Variants in NUDCD1 observed in about 807,000 individuals in gnomAD.
NUDCD1 encodes the protein nudC domain-containing protein 1.
In NUDCD1, 60 loss-of-function variants were observed where a neutral mutation model predicts 67.8. The ratio of observed to expected loss-of-function variants is 0.88; its 90% CI spans 0.72 to 1.10. NUDCD1 has a LOEUF of 1.10. Ranked by LOEUF, NUDCD1 falls within the 50% of genes least tolerant of loss-of-function variation. The pLI is 0.00. For synonymous variants in NUDCD1, 244 were observed against 230.8 expected, an observed-to-expected ratio of 1.06 and a Z score of -0.52; for missense variants, 643 against 695.0, an observed-to-expected ratio of 0.93 and a Z score of 0.84.
At chr8:109,307,579 T>TA (rs1294540106) in intron 2 of NUDCD1, among the ~76,000 whole-genome samples, 9 of 152,066 alleles carry the variant, frequency 5.9e-5, no homozygotes, top group Non-Finnish European at 1.5e-5. Context: ...AAAATACAAT[T>TA]AAAAAAACAT....
chr8:109,267,410 T>C (rs1005869271), intron 8 of NUDCD1, among the ~76,000 whole-genome samples: 4 of 152,274 alleles, frequency 2.6e-5, no homozygotes, highest in African/African-American at 7.2e-5. Context: ...GCTGGTGACA[T>C]TGGGGAGAAA....
rs1038103617 is a variant in NUDCD1 at position 109,250,918 on chromosome 8, G to A, written c.1300-5437C>T. On this transcript the variant is annotated intron_variant, in intron 8 of 9. Coordinates refer to ENST00000239690, the MANE Select transcript of NUDCD1 (RefSeq NM_032869.4). ...GTGTCTGTATTCATGGAGGATACTA[G>A]TTTTTTCCTTCCTGTTTTCTCATCT... Among the ~76,000 whole-genome samples the A allele has an allele frequency of 1.3e-5, 2 of 152,068 alleles. 1 individual carries two copies. Among genetic ancestry groups the A allele is most frequent in the Non-Finnish European group, 2.9e-5 (2 of 68,010 alleles).
intron 1 of NUDCD1, among the ~76,000 whole-genome samples, chr8:109,328,297 C>G (rs1294809101): frequency 6.6e-6 from 1 of 152,116 alleles, no homozygotes; most frequent in East Asian, 1.9e-4. Context: ...TGTAAATCTT[C>G]ACCAGCTTTT....
chr8:109,329,710 ACTT>A (rs757576028), intron 1 of NUDCD1: 4 of 1,176,320 alleles, frequency 3.4e-6, no homozygotes, highest in Non-Finnish European at 4.8e-6. Context: ...ATATATCACA[ACTT>A]CTTAAGTTGT....
Position 109,243,244 on chromosome 8 carries a change from G to A in NUDCD1, c.1517C>T (p.Ser506Leu), listed in dbSNP as rs756036862. 2.0e-5 allele frequency: 32 copies of A among 1,608,200 alleles called. No individual in the cohort carries two copies. Among genetic ancestry groups the A allele is most frequent in the Middle Eastern group, 3.3e-4 (2 of 6,068 alleles). Residue 506 changes from serine (S) to leucine (L), a missense_variant, in exon 10 of 10, where the codon TCG becomes TTG. Transcript: ENST00000239690. ...AAGGCACTCACAAAGGGCTGCATAC[G>A]AGTAATTTGGAGCACAGGCAAAAAA... ...KKFFACAPNYSYAALCECLRR... is the reference protein window; with the variant it reads ...KKFFACAPNYLYAALCECLRR...
intron 4 of NUDCD1, among the ~76,000 whole-genome samples, chr8:109,290,317 G>A (rs1814681118): frequency 1.3e-5 from 2 of 152,080 alleles, no homozygotes; most frequent in Admixed American, 6.6e-5. Context: ...GTCCATCTTG[G>A]AGAAATCTCT....
chr8:109,285,687 C>G (rs533485755), intron 5 of NUDCD1, among the ~76,000 whole-genome samples: 1 of 152,236 alleles, frequency 6.6e-6, no homozygotes, highest in Admixed American at 6.5e-5. Context: ...CCATCTATGA[C>G]AAACTCACTG....
Position 109,334,020 on chromosome 8 carries a change from G to A in NUDCD1, c.-10C>T, listed in dbSNP as rs757626066. 1.9e-6 allele frequency: 3 copies of A among 1,614,108 alleles called. No individual in the cohort carries two copies. In the East Asian group the frequency reaches 6.7e-5, roughly 36 times the overall value. On this transcript the variant is annotated 5_prime_UTR_variant, in exon 1 of 10. Transcript: ENST00000239690. ...TAGCCGCCACCTCCATCGCTTTCCAGGGCCGCAGCGTGAGAATTAATAAAG... is the reference window on the plus strand; with the variant it reads ...TAGCCGCCACCTCCATCGCTTTCCAAGGCCGCAGCGTGAGAATTAATAAAG...
At chr8:109,309,384 G>T (rs2130089030) in intron 2 of NUDCD1, among the ~76,000 whole-genome samples, 1 of 152,274 alleles carries the variant, frequency 6.6e-6, no homozygotes, top group Middle Eastern at 3.4e-3. Context: ...AATAGATGCA[G>T]ATAAAGCATT....
At chr8:109,294,196 G>A (rs1262664433) in intron 3 of NUDCD1, among the ~76,000 whole-genome samples, 3 of 128,176 alleles carry the variant, frequency 2.3e-5, no homozygotes. Flanking sequence ...GGACAGTTGA[G>A]AAAAAGCCTA....
At chr8:109,254,664 T>C (rs906809465) in intron 8 of NUDCD1, among the ~76,000 whole-genome samples, 4 of 152,128 alleles carry the variant, frequency 2.6e-5, no homozygotes, top group African/African-American at 4.8e-5. Context: ...TAGGGAAAAT[T>C]TGGCATGCAT....
At chr8:109,261,847 C>T (rs1466481035) in intron 8 of NUDCD1, among the ~76,000 whole-genome samples, 1 of 152,078 alleles carries the variant, frequency 6.6e-6, no homozygotes, top group East Asian at 1.9e-4. Flanking sequence ...TCAAGTAGGA[C>T]TCATAGGCCC....
At chr8:109,272,250 GACA>G (rs199678474) in intron 7 of NUDCD1, among the ~76,000 whole-genome samples, 12 of 151,298 alleles carry the variant, frequency 7.9e-5, no homozygotes, top group Admixed American at 2.0e-4. Context: ...TAAAATGTAA[GACA>G]ACAATAATAC....
intron 1 of NUDCD1, among the ~76,000 whole-genome samples, chr8:109,326,968 T>C (rs1357356644): frequency 1.3e-5 from 2 of 152,216 alleles, no homozygotes. Context: ...TGCCAATATT[T>C]AACTCTTTGA....
chr8:109,248,194 T>C (rs1813542204), intron 8 of NUDCD1, among the ~76,000 whole-genome samples: 1 of 152,164 alleles, frequency 6.6e-6, no homozygotes, highest in South Asian at 2.1e-4. Flanking sequence ...CCTCTAGAAG[T>C]TAGAAATGGC....
chr8:109,329,731 A>T, intron 1 of NUDCD1: 1 of 1,340,216 alleles, frequency 7.5e-7, no homozygotes, highest in Non-Finnish European at 1.0e-6. Context: ...TGTACATTTT[A>T]AATTTGTAGT....
intron 8 of NUDCD1, among the ~76,000 whole-genome samples, chr8:109,258,703 A>C (rs904470234): frequency 6.6e-6 from 1 of 152,154 alleles, no homozygotes; most frequent in Admixed American, 6.5e-5. Context: ...TAAGAAAAAA[A>C]AAGTATCAGT....
intron 8 of NUDCD1, among the ~76,000 whole-genome samples, chr8:109,260,449 C>T (rs1168153823): frequency 1.3e-5 from 2 of 152,180 alleles, no homozygotes; most frequent in African/African-American, 4.8e-5. Flanking sequence ...GATCCTCCAG[C>T]CTTGGCTCCC....
At chr8:109,318,888 TGCTAGAACCCATG>T (rs1381823479) in intron 2 of NUDCD1, among the ~76,000 whole-genome samples, 1 of 151,834 alleles carries the variant, frequency 6.6e-6, no homozygotes, top group Admixed American at 6.6e-5. Context: ...TTCTGCTGGG[TGCTAGAACCCATG>T]GCCTCGTCCA....
Sources: allele counts gnomAD v4.1 joint callset (sites outside exome capture counted in the v4.1 genomes callset), GRCh38; gene constraint gnomAD v4.1.1; transcripts MANE v1.5; gene names NCBI Gene and HGNC (gene_info 2026-07-23, HGNC 2026-07-21).